NEBL: variants seen among roughly 807,000 people sequenced by gnomAD.
NEBL encodes the protein nebulette, also known as LIM and SH3 protein 2.
NEBL carries 122 observed loss-of-function variants against 140.2 expected under a neutral mutation model. That is an observed-to-expected ratio of 0.87 (90% confidence interval 0.75 to 1.01). The LOEUF is 1.01. NEBL is among the 50% of genes least tolerant of loss of function. The probability of loss-of-function intolerance (pLI) is 0.00; values close to 1 mark genes in which losing one functional copy is unlikely to be tolerated. For synonymous variants in NEBL, 436 were observed against 398.9 expected, an observed-to-expected ratio of 1.09 and a Z score of -1.11; for missense variants, 1,365 against 1,231.3, an observed-to-expected ratio of 1.11 and a Z score of -1.62.
chr10:20,905,475 T>TA (rs1355749895), intron 4 of NEBL, among the ~76,000 whole-genome samples: 1 of 152,094 alleles, frequency 6.6e-6, no homozygotes, highest in Non-Finnish European at 1.5e-5. Context: ...AACTGCCTTA[T>TA]AAAACCATCA....
chr10:21,197,157 A>G (rs1398624696), intron 3 of NEBL, among the ~76,000 whole-genome samples: 2 of 152,114 alleles, frequency 1.3e-5, no homozygotes, highest in Non-Finnish European at 2.9e-5. Flanking sequence ...TTATCCAGTG[A>G]TTTTCTCTAG....
chr10:21,255,983 A>G (rs1410082939), intron 1 of NEBL, among the ~76,000 whole-genome samples: 2 of 148,822 alleles, frequency 1.3e-5, no homozygotes, highest in Non-Finnish European at 1.5e-5. Context: ...CTCTGTCTCA[A>G]AAAAAAAAAA....
intron 1 of NEBL, among the ~76,000 whole-genome samples, chr10:21,275,807 A>AATT (rs1410446130): frequency 2.6e-5 from 3 of 113,806 alleles, no homozygotes; most frequent in African/African-American, 1.1e-4. Context: ...CACCCAGCTA[A>AATT]TTTTTTTTTT....
At chr10:21,135,561 A>T (rs1839318331) in intron 2 of NEBL, among the ~76,000 whole-genome samples, 1 of 152,226 alleles carries the variant, frequency 6.6e-6, no homozygotes, top group South Asian at 2.1e-4. Context: ...CCAGGAAACA[A>T]GCCAAAGAAA....
chr10:21,026,787 T>A (rs1165985803), intron 2 of NEBL, among the ~76,000 whole-genome samples: 2 of 152,212 alleles, frequency 1.3e-5, no homozygotes, highest in African/African-American at 4.8e-5. Flanking sequence ...ATGGCCCTTC[T>A]CTGGTGTCTG....
chr10:20,825,299 T>C (rs1016994350), intron 18 of NEBL, among the ~76,000 whole-genome samples: 1 of 152,024 alleles, frequency 6.6e-6, no homozygotes, highest in Non-Finnish European at 1.5e-5. Flanking sequence ...TTTCCAAGGA[T>C]AAGGTGAAAA....
intron 2 of NEBL, among the ~76,000 whole-genome samples, chr10:21,098,937 G>C (rs1837338857): frequency 6.6e-6 from 1 of 151,976 alleles, no homozygotes; most frequent in Admixed American, 6.6e-5. Flanking sequence ...AGGAGTTCGA[G>C]ACCAGCCTGG....
chr10:21,169,058 A>AT (rs1840932874), intron 2 of NEBL, among the ~76,000 whole-genome samples: 13 of 56,782 alleles, frequency 2.3e-4, no homozygotes, highest in South Asian at 8.3e-4. Context: ...ACAAAAAAAA[A>AT]AAAAAAAAAA....
intron 3 of NEBL, among the ~76,000 whole-genome samples, chr10:21,239,981 A>G (rs908761851): frequency 1.3e-5 from 2 of 151,252 alleles, no homozygotes; most frequent in African/African-American, 4.9e-5. Context: ...GCGCCACTGC[A>G]CTCCAGCCTG....
chr10:21,249,828 C>G (rs1364407379), intron 2 of NEBL, among the ~76,000 whole-genome samples: 1 of 152,076 alleles, frequency 6.6e-6, no homozygotes, highest in Non-Finnish European at 1.5e-5. Flanking sequence ...CTTCGGGAGG[C>G]TGAGGTGGGT....
intron 14 of NEBL, 112 bp from the exon 15 acceptor site, chr10:20,831,695 C>A: frequency 1.4e-6 from 1 of 718,630 alleles, no homozygotes; most frequent in Non-Finnish European, 2.4e-6. Flanking sequence ...AAGTTGAATC[C>A]TTATTTCTTT....
intron 2 of NEBL, among the ~76,000 whole-genome samples, chr10:21,111,469 T>C (rs1461766962): frequency 6.6e-6 from 1 of 151,932 alleles, no homozygotes; most frequent in African/African-American, 2.4e-5. Flanking sequence ...TTGATAAACC[T>C]GACAAAAACA....
At chr10:21,185,560 T>C (rs888733474) in intron 3 of NEBL, among the ~76,000 whole-genome samples, 1 of 141,632 alleles carries the variant, frequency 7.1e-6, no homozygotes. Flanking sequence ...TGCAGTGGCA[T>C]GATCTCAGCT....
At chr10:20,852,385 T>C (rs1165426068) in intron 10 of NEBL, among the ~76,000 whole-genome samples, 160 bp downstream of exon 10, 2 of 152,118 alleles carry the variant, frequency 1.3e-5, no homozygotes, top group South Asian at 2.1e-4. Context: ...ACACAGCAAA[T>C]AGTGTTTGAG....
rs968101382 is a variant in NEBL, at chr10:21,121,951, T to C, written c.164+50432A>G. Among the ~76,000 whole-genome samples, 3 of 152,310 alleles carry C rather than the reference T, an allele frequency of 2.0e-5. No individual in the cohort carries two copies. In the South Asian group the frequency reaches 6.2e-4, roughly 32 times the overall value. On this transcript the variant is annotated intron_variant, in intron 2 of 6. Transcript: ENST00000417816. ...TACCAATATTAAGGAAGTTAACAGG[T>C]AATGTACATACAAATACATTTTCAG...
intron 3 of NEBL, among the ~76,000 whole-genome samples, chr10:21,015,965 C>T (rs1374662026): frequency 5.9e-5 from 9 of 152,206 alleles, no homozygotes; most frequent in Admixed American, 5.9e-4. Flanking sequence ...GAGCCACTCC[C>T]AAGGCAAGCA....
intron 4 of NEBL, among the ~76,000 whole-genome samples, chr10:20,957,224 G>C (rs903783820): frequency 2.0e-5 from 3 of 152,074 alleles, no homozygotes; most frequent in African/African-American, 7.2e-5. Context: ...CAAAATCTCA[G>C]GGAACTAAAT....
intron 2 of NEBL, among the ~76,000 whole-genome samples, chr10:21,128,600 T>G (rs1838948971): frequency 6.6e-6 from 1 of 151,732 alleles, no homozygotes; most frequent in South Asian, 2.1e-4. Flanking sequence ...TTATTAAAGA[T>G]ATAAAAGAAA....
chr10:21,264,745 G>C (rs1842779158), intron 1 of NEBL, among the ~76,000 whole-genome samples: 1 of 131,896 alleles, frequency 7.6e-6, no homozygotes, highest in South Asian at 2.6e-4. Flanking sequence ...CCTTACACTG[G>C]GTAATTTGTT....
Sources: allele counts gnomAD v4.1 joint callset (sites outside exome capture counted in the v4.1 genomes callset), GRCh38; gene constraint gnomAD v4.1.1; transcripts MANE v1.5; gene names NCBI Gene and HGNC (gene_info 2026-07-23, HGNC 2026-07-21).